The following FGFR2 variants were observed in gnomAD, a reference collection of about 807,000 sequenced individuals.
FGFR2 encodes BEK fibroblast growth factor receptor.
Under a neutral mutation model 95.9 loss-of-function variants are expected in FGFR2, and 19 were observed. The ratio of observed to expected loss-of-function variants is 0.20; its 90% CI spans 0.14 to 0.29. The LOEUF is 0.29. Among genes scored for constraint, FGFR2 ranks in the 10% least tolerant of loss-of-function variants. The pLI, the probability that FGFR2 is intolerant of heterozygous loss-of-function variation, is 1.00. For synonymous variants in FGFR2, 392 were observed against 393.3 expected (o/e 1.00, Z 0.04); for missense variants, 707 against 1,056.9 (o/e 0.67, Z 4.59).
intron 6 of FGFR2, chr10:121,526,256 T>C: frequency 2.5e-6 from 1 of 398,644 alleles, no homozygotes; most frequent in Non-Finnish European, 4.4e-6. Flanking sequence ...AGAATTCTTT[T>C]TCTAAAGCCT....
At chr10:121,554,540 A>T (rs1294268700) in intron 4 of FGFR2, among the ~76,000 whole-genome samples, 2 of 143,714 alleles carry the variant, frequency 1.4e-5, no homozygotes, top group African/African-American at 5.2e-5. Context: ...TTTAGTAGAG[A>T]CAGGGTTTCA....
chr10:121,583,792 G>A (rs140096902), intron 2 of FGFR2, among the ~76,000 whole-genome samples: 15 of 151,878 alleles, frequency 9.9e-5, no homozygotes, highest in African/African-American at 3.1e-4. Context: ...CAGGAAGAAG[G>A]GAAATTTTTC....
rs4647914 is a variant in FGFR2, at chr10:121,488,237, T to TA, written c.1864-125dup. On this transcript the variant is annotated intron_variant, in intron 13 of 17. Coordinates refer to ENST00000358487, the MANE Select transcript of FGFR2 (RefSeq NM_000141.5). ...AGCTGATGTTAAAAACCAGTTGCGG[T>TA]ATACTATAAGAAATACAGTGTGGCC... 0.24 allele frequency: 318,887 copies of TA among 1,344,810 alleles called. 44,045 individuals carry two copies. Among genetic ancestry groups the TA allele is most frequent in the East Asian group, 0.63 (26,646 of 42,264 alleles). 83.3% of individuals were successfully genotyped at this position (1,344,810 alleles called of 1,614,324 possible).
intron 10 of FGFR2, among the ~76,000 whole-genome samples, chr10:121,501,416 T>G (rs1334735138): frequency 1.3e-5 from 2 of 152,194 alleles, no homozygotes; most frequent in Non-Finnish European, 2.9e-5. Flanking sequence ...ATATGCCTCT[T>G]AAAAGCATTT....
At chr10:121,484,511 C>T (rs761278123) in intron 16 of FGFR2, among the ~76,000 whole-genome samples, 1 of 152,182 alleles carries the variant, frequency 6.6e-6, no homozygotes, top group African/African-American at 2.4e-5. Context: ...CAGACATCCA[C>T]GGTACACCGA....
At chr10:121,493,903 T>C (rs1442862901) in intron 13 of FGFR2, among the ~76,000 whole-genome samples, 3 of 152,088 alleles carry the variant, frequency 2.0e-5, no homozygotes, top group African/African-American at 7.2e-5. Context: ...ATCCAGTTTT[T>C]CAAGCTGGAA....
chr10:121,538,058 A>T, intron 6 of FGFR2: 1 of 462,356 alleles, frequency 2.2e-6, no homozygotes, highest in South Asian at 2.8e-5. Context: ...CTTTGCACAG[A>T]GGAAATAGAT....
intron 2 of FGFR2, among the ~76,000 whole-genome samples, chr10:121,572,841 G>A (rs1295510355): frequency 1.3e-5 from 2 of 152,296 alleles, no homozygotes; most frequent in East Asian, 3.9e-4. Context: ...ATCACACAGA[G>A]TGCCACTAGC....
In FGFR2 at chr10:121,518,188, G is replaced by C; in HGVS notation, c.940-725C>G. Reference sequence around the variant, plus strand: ...ATTAAGATGAGCTCCCCTCAAATTTGGTGCAACAAGGTCAAGAACAGCAAC... The same window carrying C: ...ATTAAGATGAGCTCCCCTCAAATTTCGTGCAACAAGGTCAAGAACAGCAAC... On this transcript the variant is annotated intron_variant, in intron 7 of 17. Transcript: ENST00000358487. The surrounding 1 kb of genome is among the most constrained non-coding windows in gnomAD (Gnocchi z 4.0). The C allele has an allele frequency of 3.4e-6, 1 of 297,910 alleles. No homozygotes were observed. The highest frequency in any genetic ancestry group is 6.5e-6 in the Non-Finnish European group (1 of 153,574). The allele number at this position is 297,910 out of a possible 1,614,324, so 18.5% of individuals were successfully genotyped here. A position where few individuals can be genotyped will look rare whatever the true frequency, so the allele number is the denominator to read the frequency against.
rs532125298 is a variant in FGFR2 at position 121,481,600 on chromosome 10, A to G, written c.2302-1579T>C. ...AATGATAAAAACGAAATTTTGTCCT[A>G]AATGGAACCGTTTTTCTTGAGCATA... is the stretch of plus-strand genomic sequence containing the variant. On this transcript the variant is annotated intron_variant, in intron 17 of 17. Transcript: ENST00000358487. Among the ~76,000 whole-genome samples the G allele has an allele frequency of 2.0e-5, 3 of 152,292 alleles. No homozygotes were observed. In the East Asian group the frequency reaches 5.8e-4, roughly 29 times the overall value.
chr10:121,582,765 A>T (rs887379468), intron 2 of FGFR2, among the ~76,000 whole-genome samples: 3 of 152,188 alleles, frequency 2.0e-5, no homozygotes, highest in African/African-American at 7.2e-5. Flanking sequence ...CCTGGGTGAC[A>T]GAGCAAGAGA....
chr10:121,481,389 GACACACACACACACACACAC>G (rs71868012), intron 17 of FGFR2, among the ~76,000 whole-genome samples: 1 of 149,900 alleles, frequency 6.7e-6, no homozygotes, highest in African/African-American at 2.5e-5. Flanking sequence ...CATTTTTAAA[GACACACACACACACACACAC>G]ACACACACAC....
At chr10:121,501,053 G>GCTTTA in intron 10 of FGFR2, 106 bp from the exon 11 acceptor site, 1 of 1,497,494 alleles carries the variant, frequency 6.7e-7, no homozygotes, top group Non-Finnish European at 9.1e-7. Context: ...ACTAAAGCAT[G>GCTTTA]GAGTGCTTAT....
intron 9 of FGFR2, among the ~76,000 whole-genome samples, chr10:121,509,780 G>T (rs974297395): frequency 6.6e-6 from 1 of 151,944 alleles, no homozygotes; most frequent in African/African-American, 2.4e-5. Flanking sequence ...ACTGCGCCCG[G>T]TCTAACAGTG....
chr10:121,535,399 G>A (rs1776255209), intron 6 of FGFR2, among the ~76,000 whole-genome samples: 1 of 152,208 alleles, frequency 6.6e-6, no homozygotes, highest in South Asian at 2.1e-4. Context: ...CAATTCACTA[G>A]GGGCCCCAGG....
At chr10:121,501,641 G>A (rs1040956775) in intron 10 of FGFR2, among the ~76,000 whole-genome samples, 2 of 152,114 alleles carry the variant, frequency 1.3e-5, no homozygotes, top group African/African-American at 4.8e-5. Context: ...CCAACAAAAC[G>A]CAAAAGTCTT....
At chr10:121,536,747 T>G (rs1389192178) in intron 6 of FGFR2, among the ~76,000 whole-genome samples, 2 of 152,232 alleles carry the variant, frequency 1.3e-5, no homozygotes, top group East Asian at 3.9e-4. Context: ...CAGACCGGAG[T>G]GGCCGCCATC....
At chr10:121,555,677 T>C (rs1589972159) in intron 4 of FGFR2, among the ~76,000 whole-genome samples, 1 of 152,172 alleles carries the variant, frequency 6.6e-6, no homozygotes, top group South Asian at 2.1e-4. Context: ...ATGAGCTGGT[T>C]AAAGAACAGT....
chr10:121,486,561 C>G (rs1212879534), intron 15 of FGFR2, among the ~76,000 whole-genome samples: 1 of 152,216 alleles, frequency 6.6e-6, no homozygotes, highest in Non-Finnish European at 1.5e-5. Flanking sequence ...CCTGCCTCAG[C>G]CTCCCAAGTA....
Sources: gnomAD v4.1 joint callset for allele counts (sites outside exome capture counted in the v4.1 genomes callset) on GRCh38, gnomAD v4.1.1 for gene constraint, Gnocchi (gnomAD v3.1) non-coding constraint, MANE v1.5 for transcripts, NCBI Gene and HGNC (gene_info 2026-07-23, HGNC 2026-07-21) for gene names.